The following ING2 variants were observed in gnomAD, a reference collection of about 807,000 sequenced individuals.
The protein encoded by ING2 is inhibitor of growth family member 2.
A neutral mutation model predicts 30.6 loss-of-function variants in ING2; 7 were observed. That is an observed-to-expected ratio of 0.23 (90% confidence interval 0.13 to 0.43). The LOEUF is 0.43. Among genes scored for constraint, ING2 ranks in the 20% least tolerant of loss-of-function variants. The probability of loss-of-function intolerance (pLI) is 1.00; values close to 1 mark genes in which losing one functional copy is unlikely to be tolerated. For synonymous variants in ING2, 136 were observed against 121.7 expected (o/e 1.12, Z -0.78); for missense variants, 239 against 334.9 (o/e 0.71, Z 2.24).
At chr4:183,506,176 C>T (rs942442289) in intron 1 of ING2, 1 of 1,290,624 alleles carries the variant, frequency 7.7e-7, no homozygotes, top group Non-Finnish European at 1.0e-6. Flanking sequence ...GGAGTCGGGG[C>T]TGTGCGGGGG....
Position 183,512,180 on chromosome 4 carries a change from T to C in ING2, c.*1228T>C, listed in dbSNP as rs570780875. Among the ~76,000 whole-genome samples the C allele has an allele frequency of 1.6e-4, 24 of 152,166 alleles. No homozygotes were observed. Among genetic ancestry groups the C allele is most frequent in the Non-Finnish European group, 2.9e-4 (20 of 68,022 alleles). On this transcript the variant is annotated 3_prime_UTR_variant, in exon 2 of 2. Transcript: ENST00000302327. Reference sequence around the variant, plus strand: ...AACGTATGTTTTATTCCTCATTTCTTCCTAATCTGATGATCTTGATTCTTT... The same window carrying C: ...AACGTATGTTTTATTCCTCATTTCTCCCTAATCTGATGATCTTGATTCTTT...
rs550988116 is a variant in ING2 at position 183,511,812 on chromosome 4, A to G, written c.*860A>G. Among the ~76,000 whole-genome samples the G allele has an allele frequency of 6.6e-4, 101 of 152,356 alleles. No homozygotes were observed. Among genetic ancestry groups the G allele is most frequent in the Non-Finnish European group, 1.2e-3 (80 of 68,028 alleles). On this transcript the variant is annotated 3_prime_UTR_variant, in exon 2 of 2. Coordinates refer to ENST00000302327, the MANE Select transcript of ING2 (RefSeq NM_001564.4). ...TGCCAGGATGCGTAGCCACAGGCCT[A>G]TCAGTGGAAAGGGGCATATAGTAGT... is the stretch of plus-strand genomic sequence containing the variant.
At position 183,505,328 on chromosome 4, in the gene ING2, A is replaced by G. The variant is rs1308655731; in HGVS notation, c.133A>G (p.Asn45Asp). 3.2e-6 allele frequency: 5 copies of G among 1,549,406 alleles called. No individual in the cohort carries two copies. Among genetic ancestry groups the G allele is most frequent in the Non-Finnish European group, 4.4e-6 (5 of 1,147,700 alleles). The change falls in exon 1 of 2, where the codon AAC becomes GAC. Residue 45 changes from asparagine to aspartate, a missense_variant. Transcript: ENST00000302327. ...VESLPHDMQR[N>D]VSVLRELDNK... ...GTCGCTGCCCCACGACATGCAGAGG[A>G]ACGTGTCTGTGCTGCGAGAGCTGGA...
At chr4:183,507,173 T>A (rs1309287858) in intron 1 of ING2, among the ~76,000 whole-genome samples, 2 of 152,204 alleles carry the variant, frequency 1.3e-5, no homozygotes, top group Non-Finnish European at 2.9e-5. Flanking sequence ...CGATCTTAGC[T>A]CCCTGCAACC....
rs922228152 is a variant in ING2, at chr4:183,506,192, G to A, written c.172+825G>A. ...GAGTCGGGGCTGTGCGGGGGCGTTG[G>A]TTCGGCCCCAGCGGAGTCCGAATCG... On this transcript the variant is annotated intron_variant, in intron 1 of 1. Transcript: ENST00000302327. 5 of 1,298,922 alleles carry A rather than the reference G, an allele frequency of 3.8e-6. No individual in the cohort carries two copies. The African/African-American group carries it at 7.6e-5, about 20-fold the overall frequency. 80.5% of individuals were successfully genotyped at this position (1,298,922 alleles called of 1,614,324 possible).
Position 183,510,652 on chromosome 4 carries a change from G to A in ING2, c.543G>A (p.Lys181=). The change falls in exon 2 of 2, where the codon AAG becomes AAA. Residue 181 remains lysine, a synonymous_variant. Transcript: ENST00000302327. ...GTGATGATCAGCCACCTAAAGAAAA[G>A]AAATCCAAGTCAGCAAAGAAAAAGA... is the stretch of plus-strand genomic sequence containing the variant. ...EDCDDQPPKE[K]KSKSAKKKKR... 2 of 1,614,068 alleles carry A rather than the reference G, an allele frequency of 1.2e-6. No homozygotes were observed. The highest frequency in any genetic ancestry group is 1.7e-6 in the Non-Finnish European group (2 of 1,179,972).
chr4:183,505,399 C>A (rs1279334617), intron 1 of ING2, 32 bp downstream of exon 1: 2 of 1,507,852 alleles, frequency 1.3e-6, no homozygotes, highest in South Asian at 1.2e-5. Context: ...GCCTCGGGAG[C>A]CGGTGGCGGG....
Position 183,511,043 on chromosome 4 carries a change from G to A in ING2, c.*91G>A. Reference sequence around the variant, plus strand: ...TTTTAGGGTAAATGCATAAGACTATGCAATAATTTTTAATCATTAGTATTA... The same window carrying A: ...TTTTAGGGTAAATGCATAAGACTATACAATAATTTTTAATCATTAGTATTA... On this transcript the variant is annotated 3_prime_UTR_variant, in exon 2 of 2. Transcript: ENST00000302327. 1 of 1,009,424 alleles carries A rather than the reference G, an allele frequency of 9.9e-7. No homozygotes were observed. The highest frequency in any genetic ancestry group is 1.8e-5 in the South Asian group (1 of 55,840). 62.5% of individuals were successfully genotyped at this position (1,009,424 alleles called of 1,614,324 possible).
chr4:183,506,314 T>G, intron 1 of ING2: 1 of 1,303,862 alleles, frequency 7.7e-7, no homozygotes, highest in South Asian at 1.2e-5. Flanking sequence ...GGATCCTGGC[T>G]CCGCGTAGGT....
At chr4:183,506,217 G>C in intron 1 of ING2, 2 of 1,303,792 alleles carry the variant, frequency 1.5e-6, no homozygotes, top group Non-Finnish European at 2.0e-6. Flanking sequence ...AGTCCGAATC[G>C]GGGTTTGCAG....
In ING2 at chr4:183,508,744, A is replaced by T. The variant is rs377537069; in HGVS notation, c.173-1538A>T. Among the ~76,000 whole-genome samples, 146 of 152,348 alleles carry T rather than the reference A, an allele frequency of 9.6e-4. 1 individual carries two copies. Among genetic ancestry groups the T allele is most frequent in the African/African-American group, 3.2e-3 (132 of 41,576 alleles). ...AACTAGTATGCCATGTGGTATGAAA[A>T]ATACCATGCGGACAGAACTCTTTGA... On this transcript the variant is annotated intron_variant, in intron 1 of 1. Transcript: ENST00000302327.
chr4:183,505,210 G>A lies in ING2; in HGVS notation c.15G>A (p.Gln5=), dbSNP rs1371133956. ...GGATCGGCAGGATGTTAGGGCAGCA[G>A]CAGCAGCAACTGTACTCGTCGGCCG... is the stretch of plus-strand genomic sequence containing the variant. MLGQ[Q]QQQLYSSAAL... The change falls in exon 1 of 2, where the codon CAG becomes CAA. Residue 5 remains glutamine, a synonymous_variant. Transcript: ENST00000302327. 3 of 1,601,120 alleles carry A rather than the reference G, an allele frequency of 1.9e-6. No individual in the cohort carries two copies. Among genetic ancestry groups the A allele is most frequent in the Middle Eastern group, 1.7e-4 (1 of 5,974 alleles).
At chr4:183,505,565 T>TG in intron 1 of ING2, among the ~76,000 whole-genome samples, 198 bp downstream of exon 1, 1 of 151,010 alleles carries the variant, frequency 6.6e-6, no homozygotes, top group Admixed American at 6.6e-5. Flanking sequence ...GTCCCCAGAG[T>TG]GGGGGTGGGG....
chr4:183,506,403 C>G (rs1734649806), intron 1 of ING2: 3 of 976,678 alleles, frequency 3.1e-6, no homozygotes, highest in East Asian at 6.1e-5. Flanking sequence ...CCCCGAGCCC[C>G]TCCTTCTCCG....
At chr4:183,505,970 T>C in intron 1 of ING2, 2 of 583,714 alleles carry the variant, frequency 3.4e-6, no homozygotes, top group South Asian at 2.8e-5. Flanking sequence ...CCCAGTTCTT[T>C]CGGCAAAATG....
Position 183,510,319 on chromosome 4 carries a change from TAAGA to T in ING2, c.216_219del (p.Glu73MetfsTer3). 1 of 1,593,608 alleles carries T rather than the reference TAAGA, an allele frequency of 6.3e-7. No homozygotes were observed. The highest frequency in any genetic ancestry group is 8.5e-7 in the Non-Finnish European group (1 of 1,174,172). On this transcript the variant is annotated frameshift_variant, in exon 2 of 2. Transcript: ENST00000302327. LOFTEE classifies it high-confidence loss of function. ...AAATTGATGATGTCTACGAAAAATA[TAAGA>T]AAGAAGATGATTTAAACCAGAAGAA...
In ING2 at chr4:183,505,345, A is replaced by G; in HGVS notation, c.150A>G (p.Arg50=). The part of the protein sequence containing the change: ...HDMQRNVSVL[R]ELDNKYQETL... The stretch of plus-strand genomic sequence containing the variant: ...TGCAGAGGAACGTGTCTGTGCTGCG[A>G]GAGCTGGACAACAAATATCAAGGTA... Residue 50 remains arginine, a synonymous_variant, in exon 1 of 2, where the codon CGA becomes CGG. Transcript: ENST00000302327. 1 of 1,540,904 alleles carries G rather than the reference A, an allele frequency of 6.5e-7. No individual in the cohort carries two copies.
At position 183,505,227 on chromosome 4, in the gene ING2, C is replaced by A; in HGVS notation, c.32C>A (p.Ser11Ter). The A allele has an allele frequency of 6.2e-7, 1 of 1,601,648 alleles. No individual in the cohort carries two copies. The highest frequency in any genetic ancestry group is 1.1e-5 in the South Asian group (1 of 89,486). Residue 11 changes from serine (S) to a stop codon, truncating the protein, a stop_gained, in exon 1 of 2, where the codon TCG (serine) becomes TAG (stop). Transcript: ENST00000302327. LOFTEE classifies it high-confidence loss of function. The stretch of plus-strand genomic sequence containing the variant: ...GGGCAGCAGCAGCAGCAACTGTACT[C>A]GTCGGCCGCGCTCCTGACCGGGGAG... MLGQQQQQLYSSAALLTGERS... is the reference protein window; with the variant it reads MLGQQQQQLY
rs1734659799 is a variant in ING2 at position 183,506,780 on chromosome 4, C to A, written c.172+1413C>A. ...ATCCATAGGATTCATAGGACTGATC[C>A]GTGTTTGGGGAGGGGGTGGGGAGGG... is the stretch of plus-strand genomic sequence containing the variant. On this transcript the variant is annotated intron_variant, in intron 1 of 1. Transcript: ENST00000302327. Among the ~76,000 whole-genome samples, 2 of 126,470 alleles carry A rather than the reference C, an allele frequency of 1.6e-5. 1 individual carries two copies. The highest frequency in any genetic ancestry group is 5.2e-4 in the East Asian group (2 of 3,872). 83.0% of individuals were successfully genotyped at this position (126,470 alleles called of 152,430 possible). A position where few individuals can be genotyped will look rare whatever the true frequency, so the allele number is the denominator to read the frequency against.
Sources: allele counts gnomAD v4.1 joint callset (sites outside exome capture counted in the v4.1 genomes callset), GRCh38; gene constraint gnomAD v4.1.1; transcripts MANE v1.5; gene names NCBI Gene and HGNC (gene_info 2026-07-23, HGNC 2026-07-21).